Variants in KHDRBS2 observed in about 807,000 individuals in gnomAD.
KHDRBS2 encodes the protein KH domain-containing, RNA-binding, signal transduction-associated protein 2.
In KHDRBS2, 26 loss-of-function variants were observed where a neutral mutation model predicts 44.3. That is an observed-to-expected ratio of 0.59 (90% CI 0.43 to 0.81). The LOEUF (loss-of-function observed/expected upper bound fraction) is 0.81, where lower values mean the gene tolerates loss of function less well. KHDRBS2 is among the 40% of genes least tolerant of loss of function. The pLI, the probability that KHDRBS2 is intolerant of heterozygous loss-of-function variation, is 0.00. For missense variants in KHDRBS2, 476 were observed against 433.1 expected (o/e 1.10, Z -0.88); for synonymous variants, 194 against 151.1 (o/e 1.28, Z -2.08).
intron 6 of KHDRBS2, among the ~76,000 whole-genome samples, chr6:61,886,235 G>A (rs1425996885): frequency 2.0e-5 from 3 of 152,106 alleles, no homozygotes; most frequent in Admixed American, 2.0e-4. Flanking sequence ...GAGGGTATAC[G>A]TAACTCTTCT....
the KHDRBS2 span, among the ~76,000 whole-genome samples, chr6:61,655,957 C>A: frequency 6.6e-6 from 1 of 152,014 alleles, no homozygotes; most frequent in African/African-American, 2.4e-5. Flanking sequence ...GTTTGGGCCC[C>A]ATCTGTGTTT....
intron 4 of KHDRBS2, among the ~76,000 whole-genome samples, chr6:61,939,815 C>T (rs1188337052): frequency 3.9e-5 from 6 of 152,122 alleles, no homozygotes; most frequent in African/African-American, 9.7e-5. Flanking sequence ...AAGACAAAAG[C>T]GGTTGAAGGC....
At chr6:61,653,378 G>A in the KHDRBS2 span, among the ~76,000 whole-genome samples, 1 of 152,014 alleles carries the variant, frequency 6.6e-6, no homozygotes, top group Admixed American at 6.6e-5. Context: ...ATGTTTGTTA[G>A]TAAATATTCC....
chr6:62,036,199 G>T (rs548354570), intron 3 of KHDRBS2, among the ~76,000 whole-genome samples: 23 of 151,938 alleles, frequency 1.5e-4, no homozygotes, highest in African/African-American at 5.3e-4. Flanking sequence ...TGAGTACAGG[G>T]TGCACATCAT....
the KHDRBS2 span, among the ~76,000 whole-genome samples, chr6:61,636,907 G>T: frequency 2.0e-5 from 3 of 151,972 alleles, no homozygotes; most frequent in African/African-American, 7.2e-5. Context: ...GTATATGCAT[G>T]GGCACTCAAA....
intron 7 of KHDRBS2, among the ~76,000 whole-genome samples, chr6:61,727,948 A>G (rs542466930): frequency 6.6e-6 from 1 of 152,248 alleles, no homozygotes; most frequent in Non-Finnish European, 1.5e-5. Flanking sequence ...AATATAAATC[A>G]TTTTATTATA....
At chr6:62,113,666 TA>T (rs752287602) in intron 2 of KHDRBS2, among the ~76,000 whole-genome samples, 45 of 152,158 alleles carry the variant, frequency 3.0e-4, no homozygotes, top group Admixed American at 1.8e-3. Flanking sequence ...GAGGCTTTTT[TA>T]AATGTGTAAA....
At chr6:62,134,416 C>T (rs1453085153) in intron 2 of KHDRBS2, among the ~76,000 whole-genome samples, 1 of 152,180 alleles carries the variant, frequency 6.6e-6, no homozygotes, top group Non-Finnish European at 1.5e-5. Flanking sequence ...GCCTGGGTAT[C>T]CAGGCAGAAG....
chr6:62,121,453 G>A (rs1180971936), intron 2 of KHDRBS2, among the ~76,000 whole-genome samples: 1 of 152,198 alleles, frequency 6.6e-6, no homozygotes, highest in Non-Finnish European at 1.5e-5. Flanking sequence ...GCTTAACCAA[G>A]TGGTGACTCC....
intron 7 of KHDRBS2, among the ~76,000 whole-genome samples, chr6:61,699,765 T>C (rs1285573320): frequency 6.6e-6 from 1 of 152,054 alleles, no homozygotes; most frequent in Admixed American, 6.6e-5. Flanking sequence ...TTATCTTCCT[T>C]GGAGGCAATT....
At chr6:62,108,774 T>C (rs1253113921) in intron 2 of KHDRBS2, among the ~76,000 whole-genome samples, 2 of 152,124 alleles carry the variant, frequency 1.3e-5, no homozygotes, top group South Asian at 2.1e-4. Flanking sequence ...CCTATAAAAA[T>C]GATGAGTTCA....
At chr6:61,998,616 A>G (rs1422130580) in intron 3 of KHDRBS2, among the ~76,000 whole-genome samples, 1 of 152,056 alleles carries the variant, frequency 6.6e-6, no homozygotes, top group African/African-American at 2.4e-5. Flanking sequence ...TCCAGAAAAC[A>G]TTGTTTTATT....
intron 6 of KHDRBS2, among the ~76,000 whole-genome samples, chr6:61,844,163 G>T (rs1794027215): frequency 6.6e-6 from 1 of 152,070 alleles, no homozygotes; most frequent in Non-Finnish European, 1.5e-5. Flanking sequence ...ATACTTTAAA[G>T]GCCTCAAATT....
chr6:61,731,378 A>G (rs1344320922), intron 7 of KHDRBS2, among the ~76,000 whole-genome samples: 2 of 152,090 alleles, frequency 1.3e-5, no homozygotes, highest in African/African-American at 4.8e-5. Context: ...CCAATTATTC[A>G]GTGTCAGCGA....
intron 2 of KHDRBS2, among the ~76,000 whole-genome samples, chr6:62,169,042 T>TAC (rs1819288718): frequency 7.2e-6 from 1 of 139,598 alleles, no homozygotes; most frequent in South Asian, 2.2e-4. Context: ...GTCATATATA[T>TAC]ATATATATAT....
chr6:62,186,147 T>C (rs2150128412), intron 1 of KHDRBS2, among the ~76,000 whole-genome samples: 1 of 152,206 alleles, frequency 6.6e-6, no homozygotes, highest in African/African-American at 2.4e-5. Flanking sequence ...TATTGCTTTC[T>C]AAGCCTTTTC....
chr6:61,944,000 AAAAC>A (rs1351404827), intron 4 of KHDRBS2, among the ~76,000 whole-genome samples: 10 of 152,142 alleles, frequency 6.6e-5, no homozygotes, highest in Non-Finnish European at 1.5e-4. Context: ...AAAAAGACAA[AAAAC>A]AAACAAACCC....
At chr6:61,888,561 CTTT>C (rs139822708) in intron 6 of KHDRBS2, among the ~76,000 whole-genome samples, 245 of 110,922 alleles carry the variant, frequency 2.2e-3, no homozygotes, top group Middle Eastern at 9.5e-3. Context: ...TTTCTAATTC[CTTT>C]TTTTTTTTTT....
chr6:62,006,826 G>A (rs1450755118), intron 3 of KHDRBS2, among the ~76,000 whole-genome samples: 1 of 151,710 alleles, frequency 6.6e-6, no homozygotes, highest in Non-Finnish European at 1.5e-5. Flanking sequence ...AGATATCAAA[G>A]GATGATGGTG....
Sources: allele counts gnomAD v4.1 joint callset (sites outside exome capture counted in the v4.1 genomes callset), GRCh38; gene constraint gnomAD v4.1.1; transcripts MANE v1.5; gene names NCBI Gene and HGNC (gene_info 2026-07-23, HGNC 2026-07-21).